CAMKK2: variants seen among roughly 807,000 people sequenced by gnomAD.
CAMKK2 encodes the protein calcium/calmodulin dependent protein kinase kinase 2, also known as calcium/calmodulin-dependent protein kinase kinase 2.
A neutral mutation model predicts 67.2 loss-of-function variants in CAMKK2; 30 were observed. The observed-to-expected ratio is 0.45, with a 90% CI of 0.33 to 0.61. CAMKK2 has a LOEUF of 0.61. CAMKK2 is among the 20% of genes least tolerant of loss of function. The pLI is 0.02. For missense variants in CAMKK2, 643 were observed against 802.0 expected, an observed-to-expected ratio of 0.80 and a Z score of 2.39; for synonymous variants, 322 against 326.2, an observed-to-expected ratio of 0.99 and a Z score of 0.14.
In CAMKK2 at chr12:121,245,975, C is replaced by A. The variant is rs1316017402; in HGVS notation, c.1453-735G>T. The stretch of plus-strand genomic sequence containing the variant: ...CTACAACACAAACGGACCCTGAAAA[C>A]CTTCTCCTACGTCAAAGTAGCCAGG... On this transcript the variant is annotated intron_variant, in intron 14 of 16. Coordinates refer to ENST00000404169, the MANE Select transcript of CAMKK2 (RefSeq NM_001270485.2). The surrounding 1 kb of genome is among the most constrained non-coding windows in gnomAD (Gnocchi z 5.8). Among the ~76,000 whole-genome samples the A allele has an allele frequency of 6.6e-6, 1 of 152,094 alleles. No individual in the cohort carries two copies. Among genetic ancestry groups the A allele is most frequent in the Non-Finnish European group, 1.5e-5 (1 of 68,028 alleles).
At chr12:121,263,707 T>G in intron 6 of CAMKK2, 99 bp downstream of exon 6, 1 of 1,158,772 alleles carries the variant, frequency 8.6e-7, no homozygotes, top group Non-Finnish European at 1.2e-6. Context: ...CAGTGAGCGG[T>G]CTGGTGTGAC....
intron 14 of CAMKK2, among the ~76,000 whole-genome samples, chr12:121,247,111 C>T (rs973234561): frequency 3.3e-5 from 5 of 150,998 alleles, no homozygotes; most frequent in African/African-American, 5.0e-5. Context: ...AGTGGCCCCA[C>T]CCAGTGTGTT....
rs1446112941 is a variant in CAMKK2 at position 121,265,814 on chromosome 12, C to T, written c.626-1875G>A. On this transcript the variant is annotated intron_variant, in intron 5 of 16. Transcript: ENST00000404169. ...TGAAGTTTGCAGTGAACCAAGATAG[C>T]ACCACTGTACTCCAGCCTGGTGACA... is the stretch of plus-strand genomic sequence containing the variant. Among the ~76,000 whole-genome samples the T allele has an allele frequency of 2.0e-5, 3 of 151,672 alleles. No homozygotes were observed. In the South Asian group the frequency reaches 6.2e-4, roughly 32 times the overall value.
chr12:121,274,029 G>A (rs1246958145), intron 2 of CAMKK2, 27 bp downstream of exon 2: 1 of 1,439,974 alleles, frequency 6.9e-7, no homozygotes, highest in East Asian at 2.4e-5. Context: ...GGACCCCTAG[G>A]ACCTGGCTCA....
intron 5 of CAMKK2, among the ~76,000 whole-genome samples, chr12:121,265,996 A>G (rs1894451499): frequency 6.6e-6 from 1 of 152,134 alleles, no homozygotes; most frequent in Admixed American, 6.6e-5. Flanking sequence ...CAGTGGCGCA[A>G]TCAAGAATCA....
rs529234446 is a variant in CAMKK2, at chr12:121,253,244, C to T, written c.1107+29G>A. ...CCAGAAGACACTAACACAGGCAGAACTCTGTGGCTGAGGCAGGCCCAAGCT... is the reference window on the plus strand; with the variant it reads ...CCAGAAGACACTAACACAGGCAGAATTCTGTGGCTGAGGCAGGCCCAAGCT... On this transcript the variant is annotated intron_variant, in intron 10 of 16. Transcript: ENST00000404169. This position sits in a 1 kb window ranked among gnomAD's most constrained non-coding sequence, Gnocchi z 5.0. 1.2e-6 allele frequency: 2 copies of T among 1,601,582 alleles called. No individual in the cohort carries two copies. Among genetic ancestry groups the T allele is most frequent in the African/African-American group, 1.3e-5 (1 of 74,754 alleles).
chr12:121,267,937 G>C (rs919982656), intron 5 of CAMKK2, among the ~76,000 whole-genome samples: 35 of 151,792 alleles, frequency 2.3e-4, no homozygotes, highest in Non-Finnish European at 4.3e-4. Flanking sequence ...CCTATTCTGG[G>C]TATTTCACAT....
At chr12:121,292,457 T>C (rs996124831) in intron 1 of CAMKK2, among the ~76,000 whole-genome samples, 5 of 152,084 alleles carry the variant, frequency 3.3e-5, no homozygotes, top group Non-Finnish European at 7.4e-5. Flanking sequence ...AAGAAGCCCT[T>C]ACGAATCTCT....
intron 1 of CAMKK2, among the ~76,000 whole-genome samples, chr12:121,278,455 G>T (rs1897182485): frequency 6.6e-6 from 1 of 152,214 alleles, no homozygotes; most frequent in Admixed American, 6.5e-5. Context: ...GCTATGGTTT[G>T]ACTCTGTGTC....
At chr12:121,278,989 G>C (rs1419782399) in intron 1 of CAMKK2, among the ~76,000 whole-genome samples, 1 of 152,214 alleles carries the variant, frequency 6.6e-6, no homozygotes, top group East Asian at 1.9e-4. Context: ...TGATAGGGCT[G>C]CAAGAGTTCC....
intron 14 of CAMKK2, among the ~76,000 whole-genome samples, chr12:121,246,325 C>A (rs111940148): frequency 0.04 from 6,134 of 151,634 alleles, 174 homozygotes; most frequent in South Asian, 0.12. Context: ...GCAGGTGGAT[C>A]ACCTGAGGTC....
chr12:121,278,323 A>C (rs1897158738), intron 1 of CAMKK2, among the ~76,000 whole-genome samples: 1 of 152,244 alleles, frequency 6.6e-6, no homozygotes, highest in Admixed American at 6.5e-5. Flanking sequence ...AAGGTCATTG[A>C]CATCCTGTAA....
intron 9 of CAMKK2, among the ~76,000 whole-genome samples, chr12:121,254,782 T>A (rs1891514798): frequency 6.6e-6 from 1 of 152,238 alleles, no homozygotes; most frequent in Non-Finnish European, 1.5e-5. Context: ...AGGGTGGCTC[T>A]CTGCAGCTGG....
intron 1 of CAMKK2, among the ~76,000 whole-genome samples, chr12:121,288,456 A>G (rs1899236469): frequency 1.3e-5 from 2 of 152,196 alleles, no homozygotes; most frequent in Non-Finnish European, 2.9e-5. Context: ...ACCTGGACCT[A>G]GAGGGCAGAA....
intron 4 of CAMKK2, among the ~76,000 whole-genome samples, chr12:121,269,077 G>A (rs1159512154): frequency 6.6e-6 from 1 of 151,780 alleles, no homozygotes; most frequent in Non-Finnish European, 1.5e-5. Flanking sequence ...TTTACACATG[G>A]GGAAACTGAG....
chr12:121,297,381 C>T (rs1901486162), upstream of CAMKK2: 2 of 339,306 alleles, frequency 5.9e-6, no homozygotes, highest in East Asian at 7.7e-5. Context: ...ACCACTTGCT[C>T]AGGGCCGGCC....
intron 16 of CAMKK2, among the ~76,000 whole-genome samples, chr12:121,243,240 C>G (rs1888736943): frequency 6.6e-6 from 1 of 151,570 alleles, no homozygotes; most frequent in Non-Finnish European, 1.5e-5. Context: ...ACCATATTGG[C>G]CAGGCTGGTC....
In CAMKK2 at chr12:121,247,624, G is replaced by A. The variant is rs989048490; in HGVS notation, c.1452+982C>T. ...GTGGGTCTTCAACAGTGAAGGTCCT[G>A]CACAGCCCCAGGTGGGGAAAGAGTG... On this transcript the variant is annotated intron_variant, in intron 14 of 16. Coordinates refer to ENST00000404169, the MANE Select transcript of CAMKK2 (RefSeq NM_001270485.2). Among the ~76,000 whole-genome samples the A allele has an allele frequency of 7.9e-5, 12 of 152,320 alleles. No homozygotes were observed. The Middle Eastern group carries it at 0.01, about 130-fold the overall frequency.
In CAMKK2 at chr12:121,245,985, C is replaced by T. The variant is rs150095700; in HGVS notation, c.1453-745G>A. Among the ~76,000 whole-genome samples the T allele has an allele frequency of 4.2e-4, 64 of 152,172 alleles. No homozygotes were observed. The East Asian group carries it at 0.011, about 26-fold the overall frequency. Reference sequence around the variant, plus strand: ...AACGGACCCTGAAAACCTTCTCCTACGTCAAAGTAGCCAGGCCCGAAAGGC... The same window carrying T: ...AACGGACCCTGAAAACCTTCTCCTATGTCAAAGTAGCCAGGCCCGAAAGGC... On this transcript the variant is annotated intron_variant, in intron 14 of 16. Transcript: ENST00000404169. This position sits in a 1 kb window ranked among gnomAD's most constrained non-coding sequence, Gnocchi z 5.8.
Sources: allele counts gnomAD v4.1 joint callset (sites outside exome capture counted in the v4.1 genomes callset), GRCh38; gene constraint gnomAD v4.1.1; non-coding constraint Gnocchi (gnomAD v3.1); transcripts MANE v1.5; gene names NCBI Gene and HGNC (gene_info 2026-07-23, HGNC 2026-07-21).